The following SAXO1 variants were observed in gnomAD, a reference collection of about 807,000 sequenced individuals.
The protein encoded by SAXO1 is stabilizer of axonemal microtubules 1.
SAXO1 carries 21 observed loss-of-function variants against 17.5 expected under a neutral mutation model. That is an observed-to-expected ratio of 1.20 (90% CI 0.85 to 1.72). The LOEUF (loss-of-function observed/expected upper bound fraction) is 1.72, where lower values mean the gene tolerates loss of function less well. Among genes scored for constraint, SAXO1 ranks in the 40% most tolerant of loss-of-function variants. SAXO1 has a pLI of 0.00. For missense variants in SAXO1, 843 were observed against 596.0 expected (o/e 1.41, Z -4.32); for synonymous variants, 274 against 216.5 (o/e 1.27, Z -2.33).
At chr9:18,986,686 C>G (rs1019232566) in intron 1 of SAXO1, among the ~76,000 whole-genome samples, 14 of 152,042 alleles carry the variant, frequency 9.2e-5, no homozygotes, top group African/African-American at 3.4e-4. Context: ...AAAATATCTA[C>G]AAAATTCCAG....
Position 19,049,040 on chromosome 9 carries a change from C to G in SAXO1, c.-158+169G>C, listed in dbSNP as rs1413711884. On this transcript the variant is annotated intron_variant, in intron 1 of 3. Coordinates refer to the SAXO1 transcript ENST00000542071. The surrounding 1 kb of genome is among the most constrained non-coding windows in gnomAD (Gnocchi z 5.4). ...CACTGGGCCGGGCAAGCTGGGGAGGCCTAAGCGGACTGGGAAGTTAGGCTT... is the reference window on the plus strand; with the variant it reads ...CACTGGGCCGGGCAAGCTGGGGAGGGCTAAGCGGACTGGGAAGTTAGGCTT... Among the ~76,000 whole-genome samples the G allele has an allele frequency of 2.0e-5, 3 of 152,070 alleles. No homozygotes were observed. Among genetic ancestry groups the G allele is most frequent in the African/African-American group, 4.8e-5 (2 of 41,390 alleles).
intron 1 of SAXO1, among the ~76,000 whole-genome samples, chr9:18,993,332 C>T (rs946031960): frequency 2.7e-5 from 4 of 149,638 alleles, no homozygotes; most frequent in African/African-American, 9.8e-5. Context: ...CATGTGTTCT[C>T]ATTAAGAACA....
intron 1 of SAXO1, among the ~76,000 whole-genome samples, chr9:18,969,641 G>T (rs1203916615): frequency 6.6e-6 from 1 of 152,176 alleles, no homozygotes; most frequent in East Asian, 1.9e-4. Flanking sequence ...GAGAAAGGGG[G>T]TATCTTGTTC....
intron 1 of SAXO1, among the ~76,000 whole-genome samples, chr9:18,971,751 C>A (rs531486803): frequency 1.3e-5 from 2 of 152,198 alleles, no homozygotes; most frequent in African/African-American, 2.4e-5. Flanking sequence ...CTCTATTTTT[C>A]CTAGATGTTT....
Position 18,928,219 on chromosome 9 carries a change from A to T in SAXO1, c.1258T>A (p.Cys420Ser). Residue 420 changes from cysteine (C) to serine (S), a missense_variant, in exon 4 of 4, where the codon TGC (cysteine) becomes AGC (serine). Transcript: ENST00000380534. ...GGAGGCTCAGGATATGAAGCTAGGC[A>T]CCTGCCCATTTCCTTGGGAGTAAAG... Reference protein sequence around the residue: ...ISFTPKEMGRCLASYPEPPGY... With the variant: ...ISFTPKEMGRSLASYPEPPGY... 6.2e-7 allele frequency: 1 copy of T among 1,614,160 alleles called. No individual in the cohort carries two copies. The highest frequency in any genetic ancestry group is 8.5e-7 in the Non-Finnish European group (1 of 1,180,030).
intron 1 of SAXO1, among the ~76,000 whole-genome samples, chr9:19,023,342 T>G (rs887956701): frequency 6.6e-6 from 1 of 152,140 alleles, no homozygotes; most frequent in African/African-American, 2.4e-5. Context: ...TTATGCTTAT[T>G]TAATAACATC....
intron 3 of SAXO1, among the ~76,000 whole-genome samples, 192 bp downstream of exon 3, chr9:18,941,445 A>G (rs901618443): frequency 3.3e-5 from 5 of 152,070 alleles, no homozygotes; most frequent in South Asian, 2.1e-4. Flanking sequence ...TTGTTTTTCA[A>G]TTATTAAAAA....
At chr9:19,017,323 C>T (rs1412441619) in intron 1 of SAXO1, among the ~76,000 whole-genome samples, 1 of 152,196 alleles carries the variant, frequency 6.6e-6, no homozygotes, top group East Asian at 1.9e-4. Flanking sequence ...ACACCCCAAA[C>T]CTCAGCATCA....
In SAXO1 at chr9:18,928,464, G is replaced by C. The variant is rs1325765252; in HGVS notation, c.1013C>G (p.Ser338Cys). 1 of 1,612,312 alleles carries C rather than the reference G, an allele frequency of 6.2e-7. No homozygotes were observed. The highest frequency in any genetic ancestry group is 1.7e-5 in the Admixed American group (1 of 59,882). ...IKKCGRFEGSSTTKDDYKQWS... is the reference protein window; with the variant it reads ...IKKCGRFEGSCTTKDDYKQWS... Reference sequence around the variant, plus strand: ...CTGCTTGTAGTCATCCTTGGTGGTGGAAGAGCCTTCAAAGCGACCGCACTT... The same window carrying C: ...CTGCTTGTAGTCATCCTTGGTGGTGCAAGAGCCTTCAAAGCGACCGCACTT... The change falls in exon 4 of 4, where the codon TCC becomes TGC. Residue 338 changes from serine (S) to cysteine (C), a missense_variant. Ser to Cys is a moderately radical substitution (Grantham distance 112). Coordinates refer to ENST00000380534, the MANE Select transcript of SAXO1 (RefSeq NM_153707.4).
intron 3 of SAXO1, among the ~76,000 whole-genome samples, chr9:18,937,021 T>C (rs1831324979): frequency 6.6e-6 from 1 of 152,216 alleles, no homozygotes; most frequent in Non-Finnish European, 1.5e-5. Flanking sequence ...TTAATAACCT[T>C]GGTCTTTGGT....
chr9:18,989,462 T>C (rs1453553330), intron 1 of SAXO1, among the ~76,000 whole-genome samples: 2 of 152,156 alleles, frequency 1.3e-5, no homozygotes, highest in Non-Finnish European at 2.9e-5. Flanking sequence ...TGCAGATTTA[T>C]CATAGAGAAC....
chr9:18,950,907 CT>C lies in SAXO1; in HGVS notation c.68del (p.Lys23ArgfsTer47). 6.2e-7 allele frequency: 1 copy of C among 1,613,030 alleles called. No homozygotes were observed. Among genetic ancestry groups the C allele is most frequent in the African/African-American group, 1.3e-5 (1 of 74,976 alleles). On this transcript the variant is annotated frameshift_variant, in exon 2 of 4. Coordinates refer to ENST00000380534, the MANE Select transcript of SAXO1 (RefSeq NM_153707.4). LOFTEE classifies it high-confidence loss of function. Reference protein sequence around the residue: ...GRHHCPHLPTKIYDKTEKPCL... With the variant: ...GRHHCPHLPTXIYDKTEKPCL... ...ATGGTTTCTCTGTTTTATCATAAAT[CT>C]TGGTAGGGAGATGTGGACAGTGATG...
At chr9:19,018,381 G>A (rs796122290) in intron 1 of SAXO1, among the ~76,000 whole-genome samples, 15 of 152,298 alleles carry the variant, frequency 9.8e-5, no homozygotes, top group African/African-American at 2.9e-4. Context: ...AACTGCCATC[G>A]TTGGCAGGAA....
intron 1 of SAXO1, among the ~76,000 whole-genome samples, chr9:18,975,210 CTGGGGAAGCAGGGAGAGTGCAGG>C (rs1213045936): frequency 2.9e-4 from 2 of 6,916 alleles, no homozygotes; most frequent in Non-Finnish European, 1.1e-3. Context: ...AGGCTGCAGG[CTGGGGAAGCAGGGAGAGTGCAGG>C]CTGGGGAAGC....
At chr9:19,022,287 A>C (rs553984551) in intron 1 of SAXO1, among the ~76,000 whole-genome samples, 1 of 152,356 alleles carries the variant, frequency 6.6e-6, no homozygotes, top group East Asian at 1.9e-4. Flanking sequence ...CATCTGAAGG[A>C]ACAAACTCTG....
intron 1 of SAXO1, among the ~76,000 whole-genome samples, chr9:18,973,878 T>C (rs1180696308): frequency 6.6e-6 from 1 of 152,264 alleles, no homozygotes; most frequent in African/African-American, 2.4e-5. Context: ...TATTCATTCA[T>C]CCATATGACA....
chr9:18,984,607 C>T (rs1026062770), intron 1 of SAXO1, among the ~76,000 whole-genome samples: 13 of 152,200 alleles, frequency 8.5e-5, no homozygotes, highest in African/African-American at 3.1e-4. Context: ...TCAAATATTT[C>T]CTCTGCAGCT....
At chr9:18,996,402 A>C (rs1381096488) in intron 1 of SAXO1, among the ~76,000 whole-genome samples, 3 of 152,230 alleles carry the variant, frequency 2.0e-5, no homozygotes. Context: ...CTATAAACCT[A>C]GGCTATATGG....
In SAXO1 at chr9:19,031,086, G is replaced by A. The variant is rs116244868; in HGVS notation, c.38+1785C>T. On this transcript the variant is annotated intron_variant, in intron 1 of 3. Transcript: ENST00000380534. ...AGAGTCAGAGAAGGAACACCCAAATGAGTCATAACCCTACTGCAGGGGCAG... is the reference window on the plus strand; with the variant it reads ...AGAGTCAGAGAAGGAACACCCAAATAAGTCATAACCCTACTGCAGGGGCAG... Among the ~76,000 whole-genome samples the A allele has an allele frequency of 4.4e-3, 663 of 152,312 alleles. 5 individuals carry two copies. The highest frequency in any genetic ancestry group is 0.015 in the African/African-American group (620 of 41,572).
Sources: gnomAD v4.1 joint callset for allele counts (sites outside exome capture counted in the v4.1 genomes callset) on GRCh38, gnomAD v4.1.1 for gene constraint, Gnocchi (gnomAD v3.1) non-coding constraint, MANE v1.5 for transcripts, NCBI Gene and HGNC (gene_info 2026-07-23, HGNC 2026-07-21) for gene names.